Variants in EYA2 observed in about 807,000 individuals in gnomAD.
EYA2 encodes EYA transcriptional coactivator and phosphatase 2, also known as protein phosphatase EYA2.
In EYA2, 31 loss-of-function variants were observed where a neutral mutation model predicts 69.2. The ratio of observed to expected loss-of-function variants is 0.45; its 90% confidence interval spans 0.34 to 0.60. EYA2 has a LOEUF of 0.60. EYA2 is among the 20% of genes least tolerant of loss of function. The probability of loss-of-function intolerance (pLI) is 0.02; values close to 1 mark genes in which losing one functional copy is unlikely to be tolerated. For missense variants in EYA2, 622 were observed against 701.2 expected, an observed-to-expected ratio of 0.89 and a Z score of 1.28; for synonymous variants, 257 against 279.4, an observed-to-expected ratio of 0.92 and a Z score of 0.80.
chr20:47,093,900 G>A (rs1370521330), intron 8 of EYA2, among the ~76,000 whole-genome samples: 1 of 152,228 alleles, frequency 6.6e-6, no homozygotes, highest in Non-Finnish European at 1.5e-5. Flanking sequence ...GCACATCCAT[G>A]TGCCTTACGC....
At chr20:47,059,174 C>T (rs894437457) in intron 5 of EYA2, among the ~76,000 whole-genome samples, 10 of 152,076 alleles carry the variant, frequency 6.6e-5, no homozygotes, top group Non-Finnish European at 1.3e-4. Flanking sequence ...GGATGGTGAG[C>T]GGGGAGGGAC....
At position 47,071,645 on chromosome 20, in the gene EYA2, A is replaced by G. The variant is rs550475794; in HGVS notation, c.416-540A>G. ...GACCAGGATCTGGGTAGTGGGCACT[A>G]TCTCACTTATTTCTCACCATAGCCC... On this transcript the variant is annotated intron_variant, in intron 5 of 15. Coordinates refer to ENST00000327619, the MANE Select transcript of EYA2 (RefSeq NM_005244.5). Among the ~76,000 whole-genome samples the G allele has an allele frequency of 2.2e-4, 33 of 152,264 alleles. 1 individual carries two copies. Among genetic ancestry groups the G allele is most frequent in the African/African-American group, 6.7e-4 (28 of 41,550 alleles).
At position 47,154,819 on chromosome 20, in the gene EYA2, TTGTGTGTGTG is replaced by T. The variant is rs11472542; in HGVS notation, c.978+11703_978+11712del. ...TGATTTTGTTTTTGTTTATTTTGTT[TTGTGTGTGTG>T]TGTGTGTGTGTGTGTGTGTGTGTGT... On this transcript the variant is annotated intron_variant, in intron 10 of 15. Transcript: ENST00000327619. Among the ~76,000 whole-genome samples, 183 of 140,882 alleles carry T rather than the reference TTGTGTGTGTG, an allele frequency of 1.3e-3. 4 individuals are homozygous for T. Among genetic ancestry groups the T allele is most frequent in the South Asian group, 0.011 (44 of 3,984 alleles). 92.4% of individuals were successfully genotyped at this position (140,882 alleles called of 152,430 possible).
intron 5 of EYA2, 60 bp downstream of exon 5, chr20:47,016,357 CCATT>C (rs199975978): frequency 6.5e-5 from 83 of 1,281,098 alleles, no homozygotes; most frequent in East Asian, 1.8e-4. Flanking sequence ...AGTTGGGTGT[CCATT>C]CATTCATTCA....
At chr20:47,136,367 C>T (rs567662953) in intron 9 of EYA2, among the ~76,000 whole-genome samples, 2 of 152,288 alleles carry the variant, frequency 1.3e-5, no homozygotes, top group African/African-American at 4.8e-5. Flanking sequence ...CTTATCCTCT[C>T]CCTTTCATCC....
At chr20:46,896,252 A>G (rs1156266796) in intron 1 of EYA2, among the ~76,000 whole-genome samples, 5 of 152,164 alleles carry the variant, frequency 3.3e-5, no homozygotes, top group Non-Finnish European at 7.3e-5. Flanking sequence ...CCAGTGGACA[A>G]TTGTATTTCA....
rs868521773 is a variant in EYA2, at chr20:47,010,606, G to T, written c.298+5522G>T. ...AGCATGCCACTGCACTCCAGCCTGG[G>T]TGACAGAGTGAAATCCTGTCTCAAA... On this transcript the variant is annotated intron_variant, in intron 4 of 15. Coordinates refer to ENST00000327619, the MANE Select transcript of EYA2 (RefSeq NM_005244.5). Among the ~76,000 whole-genome samples the T allele has an allele frequency of 3.5e-4, 51 of 143,988 alleles. 1 individual carries two copies. Among genetic ancestry groups the T allele is most frequent in the Non-Finnish European group, 4.1e-4 (27 of 66,240 alleles). 94.5% of individuals were successfully genotyped at this position (143,988 alleles called of 152,430 possible). A position where few individuals can be genotyped will look rare whatever the true frequency, so the allele number is the denominator to read the frequency against.
At position 46,990,169 on chromosome 20, in the gene EYA2, C is replaced by G. The variant is rs532534364; in HGVS notation, c.109+50C>G. On this transcript the variant is annotated intron_variant, in intron 2 of 15. Transcript: ENST00000327619. ...GTCAACAGGTGTGGTGGTCCTAGGT[C>G]ACCCTGAGAATATCGTAAGCAACAG... 1.4e-5 allele frequency: 14 copies of G among 980,438 alleles called. No individual in the cohort carries two copies. In the South Asian group the frequency reaches 1.8e-4, roughly 13 times the overall value. The allele number at this position is 980,438 out of a possible 1,614,324, so 60.7% of individuals were successfully genotyped here. A position where few individuals can be genotyped will look rare whatever the true frequency, so the allele number is the denominator to read the frequency against.
At chr20:46,989,283 T>C (rs1426777007) in intron 1 of EYA2, among the ~76,000 whole-genome samples, 2 of 152,156 alleles carry the variant, frequency 1.3e-5, no homozygotes, top group African/African-American at 4.8e-5. Flanking sequence ...TTTGTTTGTT[T>C]GGAGATGGAG....
intron 10 of EYA2, chr20:47,161,608 G>T: frequency 4.0e-6 from 1 of 248,696 alleles, no homozygotes; most frequent in South Asian, 4.4e-5. Flanking sequence ...CCCTGTCCGC[G>T]GCTATGACCC....
chr20:47,172,090 C>T (rs2034332545), intron 11 of EYA2, among the ~76,000 whole-genome samples: 1 of 151,278 alleles, frequency 6.6e-6, no homozygotes, highest in African/African-American at 2.4e-5. Context: ...CAGAGCAAGA[C>T]TCCATCTCAA....
intron 5 of EYA2, among the ~76,000 whole-genome samples, chr20:47,053,838 C>T (rs1357397877): frequency 6.6e-6 from 1 of 151,600 alleles, no homozygotes; most frequent in Non-Finnish European, 1.5e-5. Flanking sequence ...AAAATTTCCA[C>T]AAAGGAGGGG....
Position 47,009,013 on chromosome 20 carries a change from G to A in EYA2, c.298+3929G>A, listed in dbSNP as rs113389335. Reference sequence around the variant, plus strand: ...GAAAGTAGCCAGACTGAATGTAAACGAATGGGTATGTCTGTGTTCCAATAA... The same window carrying A: ...GAAAGTAGCCAGACTGAATGTAAACAAATGGGTATGTCTGTGTTCCAATAA... On this transcript the variant is annotated intron_variant, in intron 4 of 15. Coordinates refer to ENST00000327619, the MANE Select transcript of EYA2 (RefSeq NM_005244.5). Among the ~76,000 whole-genome samples, 595 of 152,282 alleles carry A rather than the reference G, an allele frequency of 3.9e-3. 6 individuals carry two copies. The highest frequency in any genetic ancestry group is 0.014 in the African/African-American group (569 of 41,552).
At chr20:46,949,993 T>C (rs1420370227) in intron 1 of EYA2, among the ~76,000 whole-genome samples, 1 of 152,232 alleles carries the variant, frequency 6.6e-6, no homozygotes, top group Admixed American at 6.5e-5. Flanking sequence ...AGGTGATTTA[T>C]GGAGCTGGGT....
At chr20:47,016,074 C>A in intron 4 of EYA2, 107 bp from the exon 5 acceptor site, 1 of 810,080 alleles carries the variant, frequency 1.2e-6, no homozygotes, top group Non-Finnish European at 2.1e-6. Flanking sequence ...CATTTGGAAG[C>A]TGATAAAATT....
chr20:47,042,573 T>A (rs992111424), intron 5 of EYA2, among the ~76,000 whole-genome samples: 1 of 152,202 alleles, frequency 6.6e-6, no homozygotes, highest in Non-Finnish European at 1.5e-5. Context: ...GGAGTTAGGC[T>A]GTATTTGAGC....
chr20:47,187,991 A>G (rs3818013), intron 15 of EYA2, 62 bp from the exon 16 acceptor site: 746,136 of 1,518,056 alleles, frequency 0.49, 188,340 homozygotes, highest in African/African-American at 0.81. Context: ...CTCTAACCAC[A>G]GGCGTGGAAC....
At position 47,050,294 on chromosome 20, in the gene EYA2, A is replaced by G. The variant is rs77501424; in HGVS notation, c.416-21891A>G. ...ATGCTTTCTGTATGTAGCGAGAGGGAAAAATATAAAACAAACACAAAATAT... is the reference window on the plus strand; with the variant it reads ...ATGCTTTCTGTATGTAGCGAGAGGGGAAAATATAAAACAAACACAAAATAT... On this transcript the variant is annotated intron_variant, in intron 5 of 15. Transcript: ENST00000327619. 7.0e-3 allele frequency among the ~76,000 whole-genome samples: 1,073 copies of G among 152,286 alleles called. 13 individuals carry two copies. Among genetic ancestry groups the G allele is most frequent in the African/African-American group, 0.025 (1,024 of 41,550 alleles).
intron 10 of EYA2, chr20:47,161,536 G>T: frequency 2.5e-6 from 1 of 405,042 alleles, no homozygotes; most frequent in Non-Finnish European, 4.8e-6. Context: ...CCCAGCTTGG[G>T]GATAGACGTC....
Sources: allele counts gnomAD v4.1 joint callset (sites outside exome capture counted in the v4.1 genomes callset), GRCh38; gene constraint gnomAD v4.1.1; transcripts MANE v1.5; gene names NCBI Gene and HGNC (gene_info 2026-07-23, HGNC 2026-07-21).